PEBP4: variants seen among roughly 807,000 people sequenced by gnomAD.
PEBP4 encodes phosphatidylethanolamine-binding protein 4.
Under a neutral mutation model 23.9 loss-of-function variants are expected in PEBP4, and 22 were observed. That is an observed-to-expected ratio of 0.92 (90% confidence interval 0.66 to 1.31). The LOEUF (loss-of-function observed/expected upper bound fraction) is 1.31, where lower values mean the gene tolerates loss of function less well. Ranked by LOEUF, PEBP4 falls within the 40% of genes most tolerant of loss-of-function variation. The pLI is 0.00. For synonymous variants in PEBP4, 112 were observed against 99.3 expected, an observed-to-expected ratio of 1.13 and a Z score of -0.76; for missense variants, 324 against 281.7, an observed-to-expected ratio of 1.15 and a Z score of -1.07.
intron 4 of PEBP4, among the ~76,000 whole-genome samples, chr8:22,791,308 G>A (rs949462167): frequency 3.9e-5 from 6 of 152,056 alleles, no homozygotes; most frequent in African/African-American, 9.7e-5. Context: ...TTCCTCACCC[G>A]CAAATGGTAG....
chr8:22,776,463 A>G (rs1805816941), intron 4 of PEBP4, among the ~76,000 whole-genome samples: 1 of 151,932 alleles, frequency 6.6e-6, no homozygotes, highest in African/African-American at 2.4e-5. Context: ...TGATGGTTGC[A>G]GGGTCTGTGG....
upstream of PEBP4, among the ~76,000 whole-genome samples, chr8:22,928,342 G>C (rs1246442801): frequency 6.6e-6 from 1 of 150,800 alleles, no homozygotes; most frequent in Admixed American, 6.6e-5. Context: ...CCCAGACCGA[G>C]GCCAGCTCCG....
intron 3 of PEBP4, among the ~76,000 whole-genome samples, chr8:22,849,376 T>C (rs1286315965): frequency 6.6e-6 from 1 of 152,170 alleles, no homozygotes; most frequent in Non-Finnish European, 1.5e-5. Context: ...CTTTACAGTA[T>C]AGACAGGAAG....
intron 3 of PEBP4, among the ~76,000 whole-genome samples, chr8:22,892,147 G>C (rs886513316): frequency 4.6e-5 from 7 of 151,858 alleles, no homozygotes; most frequent in Admixed American, 1.3e-4. Flanking sequence ...GTCAACTTGT[G>C]AGAAATAAAA....
intron 4 of PEBP4, among the ~76,000 whole-genome samples, chr8:22,728,020 G>A (rs1804652145): frequency 6.6e-6 from 1 of 152,198 alleles, no homozygotes; most frequent in South Asian, 2.1e-4. Flanking sequence ...CCCAGGCCAT[G>A]CCAGGGAGCC....
chr8:22,823,444 T>C (rs1443913200), intron 3 of PEBP4, among the ~76,000 whole-genome samples: 1 of 151,924 alleles, frequency 6.6e-6, no homozygotes, highest in African/African-American at 2.4e-5. Context: ...TATATACTCA[T>C]ATAAGAAATT....
intron 3 of PEBP4, among the ~76,000 whole-genome samples, chr8:22,827,890 TTG>T (rs1380168743): frequency 6.6e-6 from 1 of 152,236 alleles, no homozygotes; most frequent in East Asian, 1.9e-4. Flanking sequence ...ACACTTATAA[TTG>T]TCTGTCTTTT....
chr8:22,740,221 C>G (rs1030702554), intron 4 of PEBP4, among the ~76,000 whole-genome samples: 2 of 152,192 alleles, frequency 1.3e-5, no homozygotes, highest in Non-Finnish European at 2.9e-5. Flanking sequence ...GAATTTCTAG[C>G]AAGAAAAGAT....
intron 3 of PEBP4, chr8:22,885,118 G>A (rs1314005374): frequency 2.0e-5 from 3 of 152,168 alleles, no homozygotes; most frequent in Non-Finnish European, 2.9e-5. Flanking sequence ...AGACTGTGAC[G>A]ATACTGAAAT....
At chr8:22,768,748 GC>G (rs776469808) in intron 4 of PEBP4, among the ~76,000 whole-genome samples, 53 of 152,034 alleles carry the variant, frequency 3.5e-4, no homozygotes, top group Non-Finnish European at 7.2e-4. Context: ...GTGGGGGCGG[GC>G]TTTTTGTTGG....
intron 2 of PEBP4, among the ~76,000 whole-genome samples, chr8:22,927,068 G>T (rs1809352631): frequency 6.6e-6 from 1 of 152,206 alleles, no homozygotes; most frequent in African/African-American, 2.4e-5. Flanking sequence ...AAGGGAAGAA[G>T]CCAGCCTCGT....
At chr8:22,890,453 C>A (rs972057360) in intron 3 of PEBP4, among the ~76,000 whole-genome samples, 1 of 152,238 alleles carries the variant, frequency 6.6e-6, no homozygotes, top group African/African-American at 2.4e-5. Flanking sequence ...GTTGGAAAGA[C>A]CCCAAGGTGA....
intron 4 of PEBP4, among the ~76,000 whole-genome samples, chr8:22,736,663 C>T (rs1804866476): frequency 6.6e-6 from 1 of 152,142 alleles, no homozygotes; most frequent in African/African-American, 2.4e-5. Context: ...GAGTTTGTTG[C>T]TAAATGTGAT....
At chr8:22,751,600 G>GTGTGTGTGTGTC (rs1457890249) in intron 4 of PEBP4, among the ~76,000 whole-genome samples, 1 of 136,596 alleles carries the variant, frequency 7.3e-6, no homozygotes, top group Non-Finnish European at 1.6e-5. Flanking sequence ...GTGTGTGTGT[G>GTGTGTGTGTGTC]TGTGTGTGTC....
intron 4 of PEBP4, among the ~76,000 whole-genome samples, chr8:22,806,210 A>C (rs1176068593): frequency 6.6e-6 from 1 of 152,206 alleles, no homozygotes; most frequent in East Asian, 1.9e-4. Context: ...AAATTTCTCA[A>C]TGCAGGCACA....
intron 4 of PEBP4, among the ~76,000 whole-genome samples, chr8:22,740,264 GT>G (rs1240297517): frequency 6.6e-6 from 1 of 152,248 alleles, no homozygotes; most frequent in East Asian, 1.9e-4. Flanking sequence ...AAGAAACCCT[GT>G]GCTCATTAGA....
intron 4 of PEBP4, chr8:22,757,680 C>A (rs1805418213): frequency 6.6e-6 from 1 of 152,238 alleles, no homozygotes; most frequent in African/African-American, 2.4e-5. Flanking sequence ...CTAGAATCAC[C>A]CCTAAGATGC....
At position 22,718,506 on chromosome 8, in the gene PEBP4, G is replaced by A. The variant is rs569421014; in HGVS notation, c.518-4970C>T. On this transcript the variant is annotated intron_variant, in intron 6 of 6. Transcript: ENST00000256404. Reference sequence around the variant, plus strand: ...TGGGACTTGCTTCTTGAGGAGGTCCGCCTGGGGCTCATGGAGATTTCAGGC... The same window carrying A: ...TGGGACTTGCTTCTTGAGGAGGTCCACCTGGGGCTCATGGAGATTTCAGGC... Among the ~76,000 whole-genome samples, 4 of 152,326 alleles carry A rather than the reference G, an allele frequency of 2.6e-5. No homozygotes were observed. In the East Asian group the frequency reaches 7.7e-4, roughly 29 times the overall value.
Position 22,927,693 on chromosome 8 carries a change from C to G in PEBP4, c.22G>C (p.Val8Leu). 6.2e-7 allele frequency: 1 copy of G among 1,613,830 alleles called. No homozygotes were observed. Among genetic ancestry groups the G allele is most frequent in the Non-Finnish European group, 8.5e-7 (1 of 1,179,822 alleles). ...AGACCCAGTAACAGTGCTGCTGTGA[C>G]CAGCCTCATTGTCCAACCCATGGGC... MGWTMRL[V>L]TAALLLGLMM... The change falls in exon 2 of 7, where the codon GTC becomes CTC. Residue 8 changes from valine (V) to leucine (L), a missense_variant. Physicochemically the swap from Val to Leu is conservative, Grantham distance 32. Transcript: ENST00000256404.
Sources: gnomAD v4.1 joint callset for allele counts (sites outside exome capture counted in the v4.1 genomes callset) on GRCh38, gnomAD v4.1.1 for gene constraint, MANE v1.5 for transcripts, NCBI Gene and HGNC (gene_info 2026-07-23, HGNC 2026-07-21) for gene names.